AFF2: variants seen among roughly 807,000 people sequenced by gnomAD.
AFF2 encodes the protein ALF transcription elongation factor 2, also known as AF4/FMR2 family member 2.
A neutral mutation model predicts 76.9 loss-of-function variants in AFF2; 14 were observed. The ratio of observed to expected loss-of-function variants is 0.18; its 90% CI spans 0.12 to 0.28. The LOEUF is 0.28. Among genes scored for constraint, AFF2 ranks in the 10% least tolerant of loss-of-function variants. AFF2 has a pLI of 1.00. For synonymous variants in AFF2, 398 were observed against 366.7 expected (o/e 1.09, Z -0.98); for missense variants, 868 against 1,001.1 (o/e 0.87, Z 1.79).
intron 1 of AFF2, among the ~76,000 whole-genome samples, chrX:148,510,417 A>G (rs145062331): frequency 0.019 from 2,105 of 111,546 alleles, 38 homozygotes; most frequent in African/African-American, 0.063. Flanking sequence ...GCTTGAATTA[A>G]TCCACAGGCC....
intron 1 of AFF2, among the ~76,000 whole-genome samples, chrX:148,648,561 CAAAAAAAAAAAAA>C (rs1241628949): frequency 1.3e-4 from 3 of 23,057 alleles, no homozygotes; most frequent in African/African-American, 2.8e-4. Context: ...AAAACTCCGT[CAAAAAAAAAAAAA>C]AAAAAAAAAA....
chrX:148,963,862 G>A (rs149932535), intron 13 of AFF2, among the ~76,000 whole-genome samples: 1,964 of 111,485 alleles, frequency 0.018, 40 homozygotes, highest in South Asian at 0.11. Context: ...AGTTTTTTAC[G>A]GCTCTGTTTC....
rs61569628 is a variant in AFF2 at position 148,572,047 on chromosome X, CA to C, written c.47+70915del. Among the ~76,000 whole-genome samples, 579 of 96,440 alleles carry C rather than the reference CA, an allele frequency of 6.0e-3. 3 individuals are homozygous for C. The highest frequency in any genetic ancestry group is 9.2e-3 in the Non-Finnish European group (435 of 47,539). 83.7% of individuals were successfully genotyped at this position (96,440 alleles called of 115,157 possible). A position where few individuals can be genotyped will look rare whatever the true frequency, so the allele number is the denominator to read the frequency against. On this transcript the variant is annotated intron_variant, in intron 1 of 20. Transcript: ENST00000370460. ...ATAACATACTAGCATCCAGAAAAGA[CA>C]AAAAAAAAAAACTGTTACAAAATAA...
intron 1 of AFF2, among the ~76,000 whole-genome samples, chrX:148,617,314 C>T (rs1380977538): frequency 1.8e-5 from 2 of 112,374 alleles, no homozygotes; most frequent in African/African-American, 6.5e-5. Context: ...TTGCATTTCT[C>T]TGATGGCCAG....
At chrX:148,934,665 C>T (rs1557284809) in intron 9 of AFF2, among the ~76,000 whole-genome samples, 1 of 112,062 alleles carries the variant, frequency 8.9e-6, no homozygotes, top group Admixed American at 9.5e-5. Context: ...AACGCCTCTA[C>T]ACCTCAGTTG....
chrX:148,733,257 G>T (rs1603290307), intron 3 of AFF2, among the ~76,000 whole-genome samples: 1 of 111,222 alleles, frequency 9.0e-6, no homozygotes, highest in East Asian at 2.8e-4. Context: ...GGGTGAAATT[G>T]TCATTCATTT....
chrX:148,609,488 T>G (rs2053705645), intron 1 of AFF2, among the ~76,000 whole-genome samples: 1 of 111,930 alleles, frequency 8.9e-6, no homozygotes, highest in Admixed American at 9.5e-5. Context: ...CTGTGGTCTG[T>G]CTGTGTGTGT....
intron 3 of AFF2, among the ~76,000 whole-genome samples, chrX:148,772,455 G>A (rs1345270893): frequency 1.8e-5 from 2 of 110,343 alleles, no homozygotes; most frequent in East Asian, 5.7e-4. Flanking sequence ...AACGTTGGCT[G>A]TATAGAACAC....
In AFF2 at chrX:148,652,150, T is replaced by G. The variant is rs373696654; in HGVS notation, c.180+19T>G. The stretch of plus-strand genomic sequence containing the variant: ...TGAATATGTATGTAATTTTTCTTTC[T>G]GGAAAATGGTTGCTTGTTACATTTT... On this transcript the variant is annotated intron_variant, in intron 2 of 20. Coordinates refer to ENST00000370460, the MANE Select transcript of AFF2 (RefSeq NM_002025.4). 5.2e-6 allele frequency: 6 copies of G among 1,151,648 alleles called. No individual in the cohort carries two copies. The highest frequency in any genetic ancestry group is 7.1e-6 in the Non-Finnish European group (6 of 849,458). The allele number at this position is 1,151,648 out of a possible 1,213,427, so 94.9% of individuals were successfully genotyped here. A position where few individuals can be genotyped will look rare whatever the true frequency, so the allele number is the denominator to read the frequency against.
At chrX:148,536,045 C>G (rs1434642312) in intron 1 of AFF2, among the ~76,000 whole-genome samples, 1 of 110,201 alleles carries the variant, frequency 9.1e-6, no homozygotes, top group Non-Finnish European at 1.9e-5. Flanking sequence ...ATGGTGAAAC[C>G]CCGTATCTAC....
chrX:148,831,569 C>T (rs1369629753), intron 4 of AFF2, among the ~76,000 whole-genome samples: 1 of 112,087 alleles, frequency 8.9e-6, no homozygotes, highest in Non-Finnish European at 1.9e-5. Context: ...CCTATTAACA[C>T]CCCCACTGCT....
At chrX:148,936,396 T>C (rs2071775767) in intron 9 of AFF2, among the ~76,000 whole-genome samples, 1 of 112,152 alleles carries the variant, frequency 8.9e-6, no homozygotes, top group Non-Finnish European at 1.9e-5. Context: ...TGTAATCAAG[T>C]GTCAAGTTAG....
At chrX:148,575,664 A>C (rs112822915) in intron 1 of AFF2, among the ~76,000 whole-genome samples, 1,982 of 110,357 alleles carry the variant, frequency 0.018, 34 homozygotes, top group African/African-American at 0.062. Flanking sequence ...GAAGCCCAGT[A>C]CTGGTGTAAA....
chrX:148,570,579 G>A (rs782542321), intron 1 of AFF2, among the ~76,000 whole-genome samples: 4 of 111,820 alleles, frequency 3.6e-5, no homozygotes, highest in Admixed American at 9.5e-5. Context: ...TGAGACACAG[G>A]ACGTTCTCCC....
At chrX:148,634,122 A>T (rs2054006008) in intron 1 of AFF2, among the ~76,000 whole-genome samples, 2 of 111,607 alleles carry the variant, frequency 1.8e-5, no homozygotes, top group South Asian at 7.5e-4. Flanking sequence ...CTTTGATTGA[A>T]GGTTGTTTTC....
intron 3 of AFF2, among the ~76,000 whole-genome samples, chrX:148,777,509 G>T (rs12392269): frequency 0.026 from 2,910 of 111,627 alleles, 106 homozygotes; most frequent in African/African-American, 0.09. Context: ...TTTTCCATTT[G>T]TGTCCTCTCT....
At chrX:148,849,675 C>G (rs2070711539) in intron 7 of AFF2, among the ~76,000 whole-genome samples, 1 of 111,368 alleles carries the variant, frequency 9.0e-6, no homozygotes, top group Non-Finnish European at 1.9e-5. Context: ...TGCACTTTTT[C>G]TCCTTACAAG....
chrX:148,742,019 G>A (rs1320830743), intron 3 of AFF2, among the ~76,000 whole-genome samples: 2 of 111,748 alleles, frequency 1.8e-5, no homozygotes, highest in African/African-American at 6.5e-5. Flanking sequence ...TCCTGCAGGA[G>A]CAGTCTCCTT....
intron 3 of AFF2, among the ~76,000 whole-genome samples, chrX:148,739,712 GT>G (rs2055327565): frequency 9.0e-6 from 1 of 110,842 alleles, no homozygotes; most frequent in Non-Finnish European, 1.9e-5. Flanking sequence ...TTTCTTTTCG[GT>G]TTTTAACTTG....
Sources: allele counts gnomAD v4.1 joint callset (sites outside exome capture counted in the v4.1 genomes callset), GRCh38; gene constraint gnomAD v4.1.1; transcripts MANE v1.5; gene names NCBI Gene and HGNC (gene_info 2026-07-23, HGNC 2026-07-21).